DNAH11: variants seen among roughly 807,000 people sequenced by gnomAD.
DNAH11 encodes the protein axonemal beta dynein heavy chain 11.
A neutral mutation model predicts 526.0 loss-of-function variants in DNAH11; 442 were observed. The ratio of observed to expected loss-of-function variants is 0.84; its 90% CI spans 0.78 to 0.91. DNAH11 has a LOEUF of 0.91. Ranked by LOEUF, DNAH11 falls within the 40% of genes least tolerant of loss-of-function variation. The pLI is 0.00. For synonymous variants in DNAH11, 2,461 were observed against 1,935.9 expected, an observed-to-expected ratio of 1.27 and a Z score of -7.12; for missense variants, 6,989 against 5,448.7, an observed-to-expected ratio of 1.28 and a Z score of -8.90.
chr7:21,749,016 G>A (rs944416099), intron 52 of DNAH11, among the ~76,000 whole-genome samples: 4 of 152,098 alleles, frequency 2.6e-5, no homozygotes. Flanking sequence ...TTACACAAAT[G>A]TCTTTCTGTT....
At chr7:21,854,848 G>A (rs1782775036) in intron 68 of DNAH11, among the ~76,000 whole-genome samples, 1 of 151,948 alleles carries the variant, frequency 6.6e-6, no homozygotes, top group African/African-American at 2.4e-5. Context: ...CAGCCAGAAT[G>A]TATTTTTAAG....
At chr7:21,755,608 C>T (rs1001628134) in intron 54 of DNAH11, among the ~76,000 whole-genome samples, 13 of 151,994 alleles carry the variant, frequency 8.6e-5, no homozygotes, top group African/African-American at 3.1e-4. Context: ...TTTTAAATTA[C>T]CCTTAATAAT....
At chr7:21,750,394 A>G in intron 54 of DNAH11, 30 bp downstream of exon 54, 1 of 1,576,146 alleles carries the variant, frequency 6.3e-7, no homozygotes. Context: ...TTTGCATGTT[A>G]GTTAAAACCT....
In DNAH11 at chr7:21,757,594, A is replaced by G. The variant is rs116885940; in HGVS notation, c.8940+7230A>G. On this transcript the variant is annotated intron_variant, in intron 54 of 81. Coordinates refer to ENST00000409508, the MANE Select transcript of DNAH11 (RefSeq NM_001277115.2). ...CTTTCAATCTGCAGGATGCTTTTCT[A>G]TTTTTCTTGGTTTTGTAAAGTATTT... Among the ~76,000 whole-genome samples the G allele has an allele frequency of 1.4e-3, 212 of 151,876 alleles. 1 individual carries two copies. In the Middle Eastern group the frequency reaches 0.034, roughly 24 times the overall value.
intron 14 of DNAH11, among the ~76,000 whole-genome samples, chr7:21,593,792 C>G: frequency 6.6e-6 from 1 of 152,012 alleles, no homozygotes; most frequent in South Asian, 2.1e-4. Context: ...CTCTGAGCAT[C>G]CTTGTTATGT....
At chr7:21,620,623 TTACA>T (rs1786002170) in intron 25 of DNAH11, among the ~76,000 whole-genome samples, 1 of 151,826 alleles carries the variant, frequency 6.6e-6, no homozygotes, top group Middle Eastern at 3.2e-3. Context: ...TGCAGGTTAG[TTACA>T]TATGTATACA....
intron 20 of DNAH11, among the ~76,000 whole-genome samples, chr7:21,607,720 A>G (rs533941072): frequency 6.6e-6 from 1 of 151,992 alleles, no homozygotes; most frequent in African/African-American, 2.4e-5. Flanking sequence ...TCATGAGGTC[A>G]GGAGATCAAG....
intron 9 of DNAH11, among the ~76,000 whole-genome samples, chr7:21,583,189 C>G (rs1784373502): frequency 1.3e-5 from 2 of 152,150 alleles, no homozygotes; most frequent in South Asian, 2.1e-4. Context: ...TGAAACTACA[C>G]TACAAGGCTA....
intron 2 of DNAH11, among the ~76,000 whole-genome samples, chr7:21,548,260 G>T (rs1372728770): frequency 4.6e-5 from 7 of 152,146 alleles, no homozygotes; most frequent in Non-Finnish European, 1.0e-4. Flanking sequence ...GTCATGTCTA[G>T]TGCAAGCCTG....
chr7:21,783,490 C>G (rs192708288), intron 57 of DNAH11, among the ~76,000 whole-genome samples: 305 of 152,224 alleles, frequency 2.0e-3, no homozygotes, highest in African/African-American at 7.1e-3. Context: ...CCACAATCAC[C>G]ATCACCACGG....
At chr7:21,585,604 T>C (rs886551801) in intron 9 of DNAH11, among the ~76,000 whole-genome samples, 1 of 152,186 alleles carries the variant, frequency 6.6e-6, no homozygotes, top group African/African-American at 2.4e-5. Context: ...TACTACTGAA[T>C]GGCTCTCTAA....
At chr7:21,816,048 G>A (rs1562563230) in intron 63 of DNAH11, among the ~76,000 whole-genome samples, 1 of 152,026 alleles carries the variant, frequency 6.6e-6, no homozygotes, top group East Asian at 1.9e-4. Context: ...GCACTGGTCT[G>A]TAGAAAAAAA....
chr7:21,825,369 G>C (rs1046159121), intron 65 of DNAH11, among the ~76,000 whole-genome samples: 1 of 152,208 alleles, frequency 6.6e-6, no homozygotes, highest in Non-Finnish European at 1.5e-5. Flanking sequence ...AGATTCTTCA[G>C]TGTTTATGTT....
intron 56 of DNAH11, among the ~76,000 whole-genome samples, chr7:21,778,721 A>C (rs1787793494): frequency 6.6e-6 from 1 of 152,228 alleles, no homozygotes; most frequent in South Asian, 2.1e-4. Flanking sequence ...GTTAGTGCTG[A>C]CAAAAATTAA....
chr7:21,854,314 G>C lies in DNAH11; in HGVS notation c.11062-1G>C. ...ACTTATTTTGTTTGATCCCACCATA[G>C]GTGATTGAAGCCAAAGAAAATGAAA... On this transcript the variant is annotated splice_acceptor_variant, in intron 67 of 81. Transcript: ENST00000409508. LOFTEE classifies it high-confidence loss of function. 6.2e-7 allele frequency: 1 copy of C among 1,613,566 alleles called. No individual in the cohort carries two copies. The highest frequency in any genetic ancestry group is 8.5e-7 in the Non-Finnish European group (1 of 1,179,732).
chr7:21,629,032 T>G (rs1415350582), intron 25 of DNAH11, among the ~76,000 whole-genome samples: 1 of 152,082 alleles, frequency 6.6e-6, no homozygotes, highest in Non-Finnish European at 1.5e-5. Flanking sequence ...TTTTGATATA[T>G]GTGCTTATTG....
intron 9 of DNAH11, among the ~76,000 whole-genome samples, chr7:21,584,158 G>C (rs942965460): frequency 6.6e-6 from 1 of 152,314 alleles, no homozygotes; most frequent in African/African-American, 2.4e-5. Context: ...GTTCACAGTA[G>C]CAAAGACTTG....
intron 35 of DNAH11, among the ~76,000 whole-genome samples, chr7:21,691,880 A>G (rs553700966): frequency 3.3e-5 from 5 of 152,136 alleles, no homozygotes; most frequent in Admixed American, 2.0e-4. Context: ...GTAAACTTCT[A>G]TTCACATGAA....
intron 25 of DNAH11, among the ~76,000 whole-genome samples, chr7:21,627,277 C>T (rs1786384910): frequency 6.6e-6 from 1 of 152,132 alleles, no homozygotes; most frequent in Non-Finnish European, 1.5e-5. Flanking sequence ...TTTGTCTTGG[C>T]ATGATCCTGT....
Sources: allele counts gnomAD v4.1 joint callset (sites outside exome capture counted in the v4.1 genomes callset), GRCh38; gene constraint gnomAD v4.1.1; transcripts MANE v1.5; gene names NCBI Gene and HGNC (gene_info 2026-07-23, HGNC 2026-07-21).